The following ELMO1 variants were observed in gnomAD, a reference collection of about 807,000 sequenced individuals.
ELMO1 encodes the protein engulfment and cell motility 1.
A neutral mutation model predicts 98.9 loss-of-function variants in ELMO1; 26 were observed. The observed-to-expected ratio is 0.26, with a 90% CI of 0.19 to 0.36. The LOEUF (loss-of-function observed/expected upper bound fraction) is 0.36. ELMO1 is among the 10% of genes least tolerant of loss of function. ELMO1 has a pLI of 1.00. For synonymous variants in ELMO1, 346 were observed against 346.0 expected (o/e 1.00, Z 0.00); for missense variants, 627 against 935.2 (o/e 0.67, Z 4.30).
chr7:37,276,349 C>T (rs1796831998), intron 4 of ELMO1, among the ~76,000 whole-genome samples: 1 of 152,216 alleles, frequency 6.6e-6, no homozygotes, highest in African/African-American at 2.4e-5. Context: ...TGGCTCAAGC[C>T]TGTAATCCCA....
chr7:37,163,450 G>C (rs569194493), intron 13 of ELMO1, among the ~76,000 whole-genome samples: 76 of 151,644 alleles, frequency 5.0e-4, no homozygotes, highest in African/African-American at 1.7e-3. Flanking sequence ...CCACTAACTC[G>C]TCATCTAGCA....
intron 16 of ELMO1, among the ~76,000 whole-genome samples, chr7:36,977,878 A>G (rs1201702980): frequency 6.6e-6 from 1 of 152,246 alleles, no homozygotes; most frequent in Non-Finnish European, 1.5e-5. Flanking sequence ...GAATACACAG[A>G]TGACTTAGTG....
At chr7:36,906,734 G>A (rs930805522) in intron 16 of ELMO1, among the ~76,000 whole-genome samples, 1 of 151,982 alleles carries the variant, frequency 6.6e-6, no homozygotes, top group Non-Finnish European at 1.5e-5. Flanking sequence ...AGTGAACTAT[G>A]ATGATACCAC....
chr7:36,899,722 C>G (rs1186704667), intron 16 of ELMO1, among the ~76,000 whole-genome samples: 1 of 84,590 alleles, frequency 1.2e-5, no homozygotes, highest in African/African-American at 3.8e-5. Flanking sequence ...ACTAGGAGTA[C>G]TAATCATTTA....
intron 1 of ELMO1, among the ~76,000 whole-genome samples, chr7:37,420,004 T>A (rs1044990958): frequency 2.6e-5 from 4 of 152,252 alleles, no homozygotes; most frequent in Non-Finnish European, 4.4e-5. Flanking sequence ...TGCATGGTGA[T>A]ATAATTCAAC....
At chr7:37,131,648 GATTAC>G (rs1178822225) in intron 14 of ELMO1, among the ~76,000 whole-genome samples, 1 of 152,166 alleles carries the variant, frequency 6.6e-6, no homozygotes, top group Non-Finnish European at 1.5e-5. Flanking sequence ...TACAAAAGCA[GATTAC>G]ATTATTAGAA....
At chr7:37,325,069 T>G (rs2131163865) in intron 2 of ELMO1, among the ~76,000 whole-genome samples, 1 of 152,336 alleles carries the variant, frequency 6.6e-6, no homozygotes, top group South Asian at 2.1e-4. Flanking sequence ...AGATAGCTTC[T>G]TTTATTAACT....
At chr7:37,145,103 A>T (rs1787897120) in intron 13 of ELMO1, among the ~76,000 whole-genome samples, 1 of 152,314 alleles carries the variant, frequency 6.6e-6, no homozygotes, top group East Asian at 1.9e-4. Flanking sequence ...TTGTTAAAGC[A>T]CTGATTGCTG....
chr7:37,076,051 C>A lies in ELMO1; in HGVS notation c.1300+20568G>T, dbSNP rs79122604. On this transcript the variant is annotated intron_variant, in intron 15 of 21. Transcript: ENST00000310758. The stretch of plus-strand genomic sequence containing the variant: ...TTTGTACTACATCCCAGTACACAGG[C>A]AGATGAATGTAAAACTGATTTAATG... 9.0e-3 allele frequency among the ~76,000 whole-genome samples: 1,365 copies of A among 152,284 alleles called. 6 individuals are homozygous for A. The highest frequency in any genetic ancestry group is 0.014 in the Middle Eastern group (4 of 294).
chr7:37,232,397 T>C (rs781121133), intron 8 of ELMO1, among the ~76,000 whole-genome samples: 4 of 152,242 alleles, frequency 2.6e-5, no homozygotes, highest in South Asian at 2.1e-4. Context: ...TAATTGTCCA[T>C]GATTTAATCT....
intron 15 of ELMO1, among the ~76,000 whole-genome samples, chr7:37,044,483 G>A (rs1795694930): frequency 6.6e-6 from 1 of 152,142 alleles, no homozygotes. Flanking sequence ...AAATCCAGGG[G>A]TGCCTGGTAA....
chr7:37,430,526 C>T (rs1374879961), intron 1 of ELMO1, among the ~76,000 whole-genome samples: 3 of 152,230 alleles, frequency 2.0e-5, no homozygotes, highest in South Asian at 2.1e-4. Flanking sequence ...AATCAAACTG[C>T]GATACTGGAA....
At chr7:37,124,285 C>T (rs947064066) in intron 14 of ELMO1, among the ~76,000 whole-genome samples, 5 of 152,016 alleles carry the variant, frequency 3.3e-5, no homozygotes, top group South Asian at 2.1e-4. Context: ...TTCTGCCTAG[C>T]GCAATCAGGC....
chr7:37,266,027 T>C (rs1796225690), intron 5 of ELMO1, among the ~76,000 whole-genome samples: 1 of 152,126 alleles, frequency 6.6e-6, no homozygotes, highest in African/African-American at 2.4e-5. Context: ...GCCCCCTGCA[T>C]CTCCTGAACC....
chr7:37,258,029 G>A (rs1318022231), intron 6 of ELMO1, among the ~76,000 whole-genome samples: 1 of 151,684 alleles, frequency 6.6e-6, no homozygotes, highest in African/African-American at 2.4e-5. Context: ...CAACACCTTG[G>A]GAGGCCAAGG....
At chr7:37,248,345 G>T (rs940063349) in intron 6 of ELMO1, among the ~76,000 whole-genome samples, 5 of 151,742 alleles carry the variant, frequency 3.3e-5, no homozygotes, top group Admixed American at 2.6e-4. Flanking sequence ...TTCGCCAACA[G>T]AAGATAATCT....
chr7:37,413,542 C>G (rs1804082273), intron 1 of ELMO1, among the ~76,000 whole-genome samples: 1 of 152,208 alleles, frequency 6.6e-6, no homozygotes, highest in Non-Finnish European at 1.5e-5. Context: ...AGATATTTTT[C>G]ACTTCTCAGA....
chr7:37,261,332 G>A (rs552993556), intron 5 of ELMO1, among the ~76,000 whole-genome samples: 86 of 152,156 alleles, frequency 5.7e-4, no homozygotes, highest in Non-Finnish European at 1.1e-3. Flanking sequence ...CTGGGCAGCT[G>A]GACTCCAGAA....
At chr7:37,220,818 T>C (rs1466216217) in intron 10 of ELMO1, among the ~76,000 whole-genome samples, 2 of 152,160 alleles carry the variant, frequency 1.3e-5, no homozygotes, top group African/African-American at 4.8e-5. Flanking sequence ...CTTTCACAGA[T>C]GGGGAAAGGA....
Sources: gnomAD v4.1 joint callset for allele counts (sites outside exome capture counted in the v4.1 genomes callset) on GRCh38, gnomAD v4.1.1 for gene constraint, MANE v1.5 for transcripts, NCBI Gene and HGNC (gene_info 2026-07-23, HGNC 2026-07-21) for gene names.